Variants in PRELID2 observed in about 807,000 individuals in gnomAD.
PRELID2 encodes PRELI domain containing 2.
A neutral mutation model predicts 28.4 loss-of-function variants in PRELID2; 25 were observed. The ratio of observed to expected loss-of-function variants is 0.88; its 90% CI spans 0.64 to 1.23. PRELID2 has a LOEUF of 1.23. Among genes scored for constraint, PRELID2 ranks in the 50% most tolerant of loss-of-function variants. The pLI, the probability that PRELID2 is intolerant of heterozygous loss-of-function variation, is 0.00. For missense variants in PRELID2, 201 were observed against 214.4 expected, an observed-to-expected ratio of 0.94 and a Z score of 0.39; for synonymous variants, 76 against 71.6, an observed-to-expected ratio of 1.06 and a Z score of -0.31.
At chr5:145,608,332 A>C (rs1753539504) in intron 1 of PRELID2, among the ~76,000 whole-genome samples, 1 of 152,166 alleles carries the variant, frequency 6.6e-6, no homozygotes, top group Non-Finnish European at 1.5e-5. Context: ...GTTGCTTTAT[A>C]ATGTCAGTGG....
intron 1 of PRELID2, among the ~76,000 whole-genome samples, chr5:145,678,560 T>C (rs1754867683): frequency 1.3e-5 from 2 of 152,182 alleles, no homozygotes; most frequent in South Asian, 2.1e-4. Context: ...CAGTGACCCA[T>C]AGTAAACCAG....
intron 1 of PRELID2, among the ~76,000 whole-genome samples, chr5:145,694,281 T>C (rs1251905179): frequency 2.6e-5 from 4 of 152,186 alleles, no homozygotes; most frequent in Non-Finnish European, 5.9e-5. Context: ...TGGAAGTATA[T>C]GCCTCAAAAT....
chr5:145,616,041 T>G (rs1753693424), intron 1 of PRELID2, among the ~76,000 whole-genome samples: 1 of 152,220 alleles, frequency 6.6e-6, no homozygotes, highest in South Asian at 2.1e-4. Context: ...GATAATTGTT[T>G]TGTTTGAGGA....
intron 4 of PRELID2, 55 bp downstream of exon 4, chr5:145,817,839 C>T (rs771481916): frequency 1.8e-5 from 25 of 1,403,362 alleles, no homozygotes; most frequent in Non-Finnish European, 2.3e-5. Context: ...AATGTATGTA[C>T]TCATGTGTCC....
chr5:145,253,375 G>GT, the PRELID2 span, among the ~76,000 whole-genome samples: 1 of 152,090 alleles, frequency 6.6e-6, no homozygotes, highest in South Asian at 2.1e-4. Context: ...CCATGTAAGG[G>GT]TAAGTATCAG....
chr5:145,800,952 A>T (rs957621998), intron 4 of PRELID2, among the ~76,000 whole-genome samples: 25 of 151,576 alleles, frequency 1.6e-4, no homozygotes, highest in Admixed American at 4.6e-4. Context: ...AGCTTCATTT[A>T]AAAAAAAAGA....
chr5:145,817,773 T>G, intron 4 of PRELID2, 121 bp downstream of exon 4: 3 of 827,654 alleles, frequency 3.6e-6, no homozygotes, highest in Non-Finnish European at 5.0e-6. Flanking sequence ...AAATTAATAA[T>G]GTGGAATTTG....
intron 5 of PRELID2, among the ~76,000 whole-genome samples, chr5:145,787,569 G>T (rs886954760): frequency 1.3e-5 from 2 of 151,468 alleles, no homozygotes; most frequent in Non-Finnish European, 2.9e-5. Flanking sequence ...TTGACATAGG[G>T]TCTCACTGTC....
intron 1 of PRELID2, among the ~76,000 whole-genome samples, chr5:145,749,610 C>T (rs1757077779): frequency 6.6e-6 from 1 of 152,182 alleles, no homozygotes; most frequent in Non-Finnish European, 1.5e-5. Flanking sequence ...AATCCCATTA[C>T]TGGGTATATA....
chr5:145,441,971 G>T, the PRELID2 span, among the ~76,000 whole-genome samples: 2 of 152,070 alleles, frequency 1.3e-5, no homozygotes, highest in Admixed American at 1.3e-4. Flanking sequence ...CTATAACTTT[G>T]CTTCATAGGA....
At chr5:145,283,667 C>T in the PRELID2 span, among the ~76,000 whole-genome samples, 6 of 152,090 alleles carry the variant, frequency 3.9e-5, no homozygotes, top group South Asian at 2.1e-4. Context: ...ATTGCCAAAG[C>T]GAGAGGATCT....
At chr5:145,635,256 C>T (rs1753984862) in intron 1 of PRELID2, among the ~76,000 whole-genome samples, 1 of 152,088 alleles carries the variant, frequency 6.6e-6, no homozygotes, top group African/African-American at 2.4e-5. Context: ...TATATGCCTT[C>T]ATCACAGAAT....
At chr5:145,713,579 C>T (rs1033257702) in intron 1 of PRELID2, among the ~76,000 whole-genome samples, 49 of 133,880 alleles carry the variant, frequency 3.7e-4, no homozygotes, top group African/African-American at 1.3e-3. Context: ...TATATATACA[C>T]TAAAGTATAT....
At chr5:145,793,761 G>A (rs948577422) in intron 5 of PRELID2, among the ~76,000 whole-genome samples, 3 of 152,088 alleles carry the variant, frequency 2.0e-5, no homozygotes, top group South Asian at 2.1e-4. Flanking sequence ...ATTCCCACAC[G>A]AATGGATGGA....
intron 1 of PRELID2, among the ~76,000 whole-genome samples, chr5:145,512,133 A>G (rs1752466434): frequency 2.0e-5 from 3 of 152,090 alleles, no homozygotes; most frequent in Non-Finnish European, 4.4e-5. Flanking sequence ...TTGTAGATGA[A>G]AGCTCATGAG....
intron 1 of PRELID2, among the ~76,000 whole-genome samples, chr5:145,482,375 A>G (rs1752169610): frequency 6.6e-6 from 1 of 152,242 alleles, no homozygotes. Flanking sequence ...ACAAACTGTC[A>G]TTTGAATCCT....
At chr5:145,520,285 T>A (rs1752553188) in intron 1 of PRELID2, among the ~76,000 whole-genome samples, 1 of 152,216 alleles carries the variant, frequency 6.6e-6, no homozygotes, top group Non-Finnish European at 1.5e-5. Flanking sequence ...CTGTGTCTTC[T>A]GAACTGGTGG....
At chr5:145,723,407 C>T (rs1030970445) in intron 1 of PRELID2, among the ~76,000 whole-genome samples, 15 of 152,098 alleles carry the variant, frequency 9.9e-5, no homozygotes, top group African/African-American at 3.4e-4. Flanking sequence ...GGAGTAATTA[C>T]ATGGAGATGG....
chr5:145,357,861 C>T, the PRELID2 span, among the ~76,000 whole-genome samples: 1 of 151,402 alleles, frequency 6.6e-6, no homozygotes, highest in African/African-American at 2.4e-5. Context: ...AGTTCTTTCT[C>T]ATCTGTGCGT....
Sources: allele counts gnomAD v4.1 joint callset (sites outside exome capture counted in the v4.1 genomes callset), GRCh38; gene constraint gnomAD v4.1.1; transcripts MANE v1.5; gene names NCBI Gene and HGNC (gene_info 2026-07-23, HGNC 2026-07-21).